The following KDM5A variants were observed in gnomAD, a reference collection of about 807,000 sequenced individuals.
The protein encoded by KDM5A is lysine-specific demethylase 5A.
KDM5A carries 42 observed loss-of-function variants against 193.5 expected under a neutral mutation model. The observed-to-expected ratio is 0.22, with a 90% confidence interval of 0.17 to 0.28. The LOEUF is 0.28. Among genes scored for constraint, KDM5A ranks in the 10% least tolerant of loss-of-function variants. The pLI, the probability that KDM5A is intolerant of heterozygous loss-of-function variation, is 1.00. For synonymous variants in KDM5A, 796 were observed against 718.1 expected, an observed-to-expected ratio of 1.11 and a Z score of -1.73; for missense variants, 1,692 against 2,055.1, an observed-to-expected ratio of 0.82 and a Z score of 3.42.
chr12:284,570 C>T lies in KDM5A; in HGVS notation c.*886G>A, dbSNP rs1943194825. 1 of 233,094 alleles carries T rather than the reference C, an allele frequency of 4.3e-6. No homozygotes were observed. The allele number at this position is 233,094 out of a possible 1,614,324, so 14.4% of individuals were successfully genotyped here. On this transcript the variant is annotated 3_prime_UTR_variant, in exon 28 of 28. Coordinates refer to ENST00000399788, the MANE Select transcript of KDM5A (RefSeq NM_001042603.3). The stretch of plus-strand genomic sequence containing the variant: ...CTGGAATACTTGTGAATGAAGTTTT[C>T]CCCGAAAAGCATGCATCACTGTGGC...
intron 10 of KDM5A, among the ~76,000 whole-genome samples, chr12:339,160 A>C (rs1051247114): frequency 7.4e-5 from 11 of 149,288 alleles, no homozygotes; most frequent in African/African-American, 2.7e-4. Context: ...CCTGGGCAAC[A>C]AGAGCGAAAC....
chr12:300,495 G>C (rs1489630508), intron 24 of KDM5A, among the ~76,000 whole-genome samples: 1 of 152,156 alleles, frequency 6.6e-6, no homozygotes, highest in African/African-American at 2.4e-5. Flanking sequence ...TGAGAACAAA[G>C]ACACAACATA....
intron 24 of KDM5A, among the ~76,000 whole-genome samples, chr12:306,322 A>T (rs970370571): frequency 3.3e-5 from 5 of 152,194 alleles, no homozygotes; most frequent in African/African-American, 1.2e-4. Flanking sequence ...TTCACAACTC[A>T]AAGAAAAAAA....
intron 24 of KDM5A, among the ~76,000 whole-genome samples, chr12:305,928 C>T (rs1166848628): frequency 6.6e-6 from 1 of 151,302 alleles, no homozygotes; most frequent in Non-Finnish European, 1.5e-5. Flanking sequence ...CTAGCACCAT[C>T]CAGACGAGAA....
chr12:368,100 G>A (rs1278992953), intron 3 of KDM5A, among the ~76,000 whole-genome samples: 1 of 152,166 alleles, frequency 6.6e-6, no homozygotes, highest in South Asian at 2.1e-4. Flanking sequence ...TTCTGCCTTA[G>A]AAAGTTCTGA....
intron 3 of KDM5A, among the ~76,000 whole-genome samples, chr12:372,760 C>T (rs1434274624): frequency 5.9e-5 from 9 of 152,204 alleles, no homozygotes; most frequent in East Asian, 1.9e-4. Flanking sequence ...TTTTGACATA[C>T]GTCCCATCAA....
At chr12:298,206 A>C (rs994828406) in intron 24 of KDM5A, among the ~76,000 whole-genome samples, 2 of 152,180 alleles carry the variant, frequency 1.3e-5, no homozygotes, top group Admixed American at 6.5e-5. Flanking sequence ...TAAGCAACAG[A>C]ATGCCTCCTC....
At chr12:339,871 T>A (rs1455247374) in intron 10 of KDM5A, among the ~76,000 whole-genome samples, 1 of 144,640 alleles carries the variant, frequency 6.9e-6, no homozygotes, top group Non-Finnish European at 1.5e-5. Flanking sequence ...TATTAAGAAG[T>A]CTGATTTTTT....
chr12:367,380 C>G (rs570177410), intron 3 of KDM5A, among the ~76,000 whole-genome samples: 2 of 152,026 alleles, frequency 1.3e-5, no homozygotes, highest in Non-Finnish European at 2.9e-5. Flanking sequence ...GTGAGGCCCC[C>G]ATCTCTACAA....
At position 281,841 on chromosome 12, in the gene KDM5A, A is replaced by G. The variant is rs1426894542; in HGVS notation, c.*3615T>C. The G allele has an allele frequency of 3.8e-6, 1 of 265,136 alleles. No homozygotes were observed. The highest frequency in any genetic ancestry group is 6.8e-5 in the South Asian group (1 of 14,710). 16.4% of individuals were successfully genotyped at this position (265,136 alleles called of 1,614,324 possible). A position where few individuals can be genotyped will look rare whatever the true frequency, so the allele number is the denominator to read the frequency against. On this transcript the variant is annotated 3_prime_UTR_variant, in exon 28 of 28. Coordinates refer to ENST00000399788, the MANE Select transcript of KDM5A (RefSeq NM_001042603.3). ...TGTACTACAGAATTAAAATACTGAC[A>G]AGCAAGTAGTTTCTTGGCGTGCACG...
chr12:289,903 C>CTT (rs1943269398), intron 27 of KDM5A, among the ~76,000 whole-genome samples: 18 of 106,736 alleles, frequency 1.7e-4, no homozygotes, highest in African/African-American at 7.2e-4. Context: ...TTTTTTCTTT[C>CTT]TTTCTTTTTT....
chr12:372,268 A>C (rs990312155), intron 3 of KDM5A, among the ~76,000 whole-genome samples: 1 of 151,980 alleles, frequency 6.6e-6, no homozygotes, highest in Non-Finnish European at 1.5e-5. Context: ...GTCCTCTTTT[A>C]TTTCATTGAG....
At chr12:323,236 AAAAG>A in intron 15 of KDM5A, 30 bp from the exon 16 acceptor site, 1 of 1,500,444 alleles carries the variant, frequency 6.7e-7, no homozygotes. Flanking sequence ...AAAAAAAAAA[AAAAG>A]AAAACAGAAA....
chr12:382,018 C>A (rs1291912988), intron 3 of KDM5A, among the ~76,000 whole-genome samples: 1 of 152,108 alleles, frequency 6.6e-6, no homozygotes, highest in Non-Finnish European at 1.5e-5. Context: ...ACTATGTTGC[C>A]TAGCCTGGTC....
At chr12:293,372 TG>T (rs1466092493) in intron 26 of KDM5A, among the ~76,000 whole-genome samples, 2 of 152,120 alleles carry the variant, frequency 1.3e-5, no homozygotes, top group Non-Finnish European at 2.9e-5. Context: ...ATTCAGGAAA[TG>T]AATAGTGGTG....
At chr12:384,350 CGT>C (rs1944614010) in intron 2 of KDM5A, among the ~76,000 whole-genome samples, 197 bp from the exon 3 acceptor site, 2 of 152,248 alleles carry the variant, frequency 1.3e-5, no homozygotes, top group African/African-American at 4.8e-5. Flanking sequence ...TTGTGAACTG[CGT>C]GTGAGGGATT....
chr12:303,816 A>G (rs1051824409), intron 24 of KDM5A, among the ~76,000 whole-genome samples: 4 of 151,770 alleles, frequency 2.6e-5, no homozygotes, highest in African/African-American at 4.8e-5. Flanking sequence ...AATCTTACCA[A>G]TTGCTCTTAA....
At chr12:376,819 C>G (rs1944511110) in intron 3 of KDM5A, among the ~76,000 whole-genome samples, 1 of 152,182 alleles carries the variant, frequency 6.6e-6, no homozygotes, top group Non-Finnish European at 1.5e-5. Context: ...AACAAAAAGG[C>G]ATCCTCTCAA....
rs1295558063 is a variant in KDM5A at position 323,719 on chromosome 12, T to C, written c.2031A>G (p.Ser677=). 1 of 1,613,722 alleles carries C rather than the reference T, an allele frequency of 6.2e-7. No homozygotes were observed. The highest frequency in any genetic ancestry group is 8.5e-7 in the Non-Finnish European group (1 of 1,179,576). ...ELVPDDERQC[S]ACRTTCFLSA... ...AGAGAAAACATGTGGTTCTGCATGC[T>C]GAACACTGCCGCTCATCATCAGGAA... Residue 677 remains serine (S), a synonymous_variant, in exon 15 of 28, where the codon TCA becomes TCG. Coordinates refer to ENST00000399788, the MANE Select transcript of KDM5A (RefSeq NM_001042603.3).
Sources: allele counts gnomAD v4.1 joint callset (sites outside exome capture counted in the v4.1 genomes callset), GRCh38; gene constraint gnomAD v4.1.1; transcripts MANE v1.5; gene names NCBI Gene and HGNC (gene_info 2026-07-23, HGNC 2026-07-21).